ADCY1: variants seen among roughly 807,000 people sequenced by gnomAD.
ADCY1 encodes the protein adenylate cyclase 1.
A neutral mutation model predicts 105.4 loss-of-function variants in ADCY1; 28 were observed. The observed-to-expected ratio is 0.27, with a 90% CI of 0.20 to 0.36. ADCY1 has a LOEUF of 0.36. Ranked by LOEUF, ADCY1 falls within the 10% of genes least tolerant of loss-of-function variation. ADCY1 has a pLI of 1.00. For synonymous variants in ADCY1, 655 were observed against 623.8 expected (o/e 1.05, Z -0.75); for missense variants, 977 against 1,434.2 (o/e 0.68, Z 5.15).
At chr7:45,588,937 G>T (rs921829641) in intron 1 of ADCY1, among the ~76,000 whole-genome samples, 1 of 151,428 alleles carries the variant, frequency 6.6e-6, no homozygotes, top group African/African-American at 2.4e-5. Context: ...GCACTGCATG[G>T]TGCTCCAGGC....
intron 4 of ADCY1, among the ~76,000 whole-genome samples, chr7:45,638,769 T>C (rs1794460484): frequency 6.6e-6 from 1 of 152,038 alleles, no homozygotes; most frequent in South Asian, 2.1e-4. Context: ...AATGCTTTGG[T>C]CTCCATAGGG....
At chr7:45,594,946 G>A (rs1562678943) in intron 2 of ADCY1, among the ~76,000 whole-genome samples, 1 of 152,032 alleles carries the variant, frequency 6.6e-6, no homozygotes. Context: ...TTATCATTTT[G>A]CACAGACATA....
At chr7:45,688,344 G>A (rs1428425556) in intron 14 of ADCY1, among the ~76,000 whole-genome samples, 1 of 152,220 alleles carries the variant, frequency 6.6e-6, no homozygotes, top group East Asian at 1.9e-4. Flanking sequence ...GTAGGTGCTC[G>A]GTAAGGCTGA....
intron 14 of ADCY1, among the ~76,000 whole-genome samples, chr7:45,695,298 C>T (rs1784860394): frequency 6.6e-6 from 1 of 152,294 alleles, no homozygotes; most frequent in African/African-American, 2.4e-5. Context: ...AGAAGTGGAA[C>T]TTCATGTGGC....
intron 4 of ADCY1, among the ~76,000 whole-genome samples, chr7:45,630,146 A>C (rs1193337956): frequency 6.6e-6 from 1 of 151,946 alleles, no homozygotes; most frequent in Non-Finnish European, 1.5e-5. Context: ...TGAAGTTTTG[A>C]GCATTCTTTG....
chr7:45,624,235 C>T (rs1034677055), intron 4 of ADCY1, among the ~76,000 whole-genome samples: 14 of 151,896 alleles, frequency 9.2e-5, no homozygotes, highest in African/African-American at 2.9e-4. Context: ...GAGCTGAGGC[C>T]GGTGAGACTT....
At chr7:45,578,551 G>A (rs1792420460) in intron 1 of ADCY1, among the ~76,000 whole-genome samples, 1 of 152,186 alleles carries the variant, frequency 6.6e-6, no homozygotes, top group African/African-American at 2.4e-5. Flanking sequence ...CAAGGACCAT[G>A]GGGTATTAGG....
chr7:45,686,329 C>T lies in ADCY1; in HGVS notation c.2327+114C>T. ...AGAACTAGTCAAGTTGAATTGTATA[C>T]ACAATTTTTAGTTTGGTGGCTGCTT... is the stretch of plus-strand genomic sequence containing the variant. On this transcript the variant is annotated intron_variant, in intron 13 of 19. Transcript: ENST00000297323. The surrounding 1 kb of genome is among the most constrained non-coding windows in gnomAD (Gnocchi z 4.3). The T allele has an allele frequency of 1.4e-6, 2 of 1,465,236 alleles. No individual in the cohort carries two copies. Among genetic ancestry groups the T allele is most frequent in the Non-Finnish European group, 1.8e-6 (2 of 1,090,910 alleles). The allele number at this position is 1,465,236 out of a possible 1,614,324, so 90.8% of individuals were successfully genotyped here. A position where few individuals can be genotyped will look rare whatever the true frequency, so the allele number is the denominator to read the frequency against.
intron 1 of ADCY1, among the ~76,000 whole-genome samples, chr7:45,579,514 C>T (rs1056560562): frequency 2.6e-5 from 4 of 152,172 alleles, no homozygotes; most frequent in East Asian, 3.9e-4. Flanking sequence ...CACTGGCCCG[C>T]TTATCTTCGT....
At chr7:45,629,417 A>G (rs1451232254) in intron 4 of ADCY1, among the ~76,000 whole-genome samples, 1 of 152,092 alleles carries the variant, frequency 6.6e-6, no homozygotes, top group Non-Finnish European at 1.5e-5. Flanking sequence ...TGCTATGAAC[A>G]TTCATGTACA....
rs1269388847 is a variant in ADCY1 at position 45,600,476 on chromosome 7, G to A, written c.789+7568G>A. On this transcript the variant is annotated intron_variant, in intron 2 of 19. Coordinates refer to ENST00000297323, the MANE Select transcript of ADCY1 (RefSeq NM_021116.4). The stretch of plus-strand genomic sequence containing the variant: ...AGACAGAGCTGAGAGAGCCTGTCTG[G>A]AGTAAAGTGGCCCGTTGGGACAGCA... Among the ~76,000 whole-genome samples the A allele has an allele frequency of 2.0e-5, 3 of 152,270 alleles. No homozygotes were observed. In the East Asian group the frequency reaches 5.8e-4, roughly 29 times the overall value.
chr7:45,661,904 G>C (rs1323627718), intron 7 of ADCY1, among the ~76,000 whole-genome samples, 155 bp from the exon 8 acceptor site: 1 of 152,008 alleles, frequency 6.6e-6, no homozygotes, highest in Admixed American at 6.6e-5. Context: ...CTCTATTCTG[G>C]GCACGTTCCC....
intron 2 of ADCY1, among the ~76,000 whole-genome samples, chr7:45,608,901 C>T (rs1033369473): frequency 2.0e-5 from 3 of 152,016 alleles, no homozygotes; most frequent in African/African-American, 4.8e-5. Flanking sequence ...TTAGGACACA[C>T]CTCCAGGCCA....
chr7:45,663,510 C>T (rs1795184726), intron 8 of ADCY1, among the ~76,000 whole-genome samples: 1 of 152,166 alleles, frequency 6.6e-6, no homozygotes. Context: ...CAGTCGCAGC[C>T]AGGCGGGCGG....
At chr7:45,673,543 T>C (rs1451300243) in intron 8 of ADCY1, among the ~76,000 whole-genome samples, 1 of 152,184 alleles carries the variant, frequency 6.6e-6, no homozygotes, top group Non-Finnish European at 1.5e-5. Context: ...ATCTAAGTTG[T>C]CAAATTTATG....
intron 3 of ADCY1, among the ~76,000 whole-genome samples, chr7:45,618,734 G>GAAA (rs1270191934): frequency 6.6e-6 from 1 of 152,080 alleles, no homozygotes; most frequent in Non-Finnish European, 1.5e-5. Context: ...TGCGGATGCA[G>GAAA]AAAAAAGAGA....
intron 19 of ADCY1, among the ~76,000 whole-genome samples, chr7:45,713,371 C>A (rs556908069): frequency 6.6e-6 from 1 of 152,324 alleles, no homozygotes; most frequent in Non-Finnish European, 1.5e-5. Context: ...TCCTGGGCCA[C>A]CCTTTCTGGC....
chr7:45,600,052 A>G (rs1201774494), intron 2 of ADCY1, among the ~76,000 whole-genome samples: 1 of 152,232 alleles, frequency 6.6e-6, no homozygotes, highest in African/African-American at 2.4e-5. Flanking sequence ...CAGGCTCAGA[A>G]GCCACATGCC....
At chr7:45,641,746 G>GA (rs1230376209) in intron 4 of ADCY1, among the ~76,000 whole-genome samples, 1 of 146,520 alleles carries the variant, frequency 6.8e-6, no homozygotes, top group African/African-American at 2.5e-5. Flanking sequence ...CCAACAAGGT[G>GA]AAACCCCGTC....
Sources: gnomAD v4.1 joint callset for allele counts (sites outside exome capture counted in the v4.1 genomes callset) on GRCh38, gnomAD v4.1.1 for gene constraint, Gnocchi (gnomAD v3.1) non-coding constraint, MANE v1.5 for transcripts, NCBI Gene and HGNC (gene_info 2026-07-23, HGNC 2026-07-21) for gene names.